FOXP1: variants seen among roughly 807,000 people sequenced by gnomAD.
FOXP1 encodes forkhead box protein P1.
In FOXP1, 15 loss-of-function variants were observed where a neutral mutation model predicts 98.2. The ratio of observed to expected loss-of-function variants is 0.15; its 90% CI spans 0.10 to 0.24. The LOEUF is 0.24. Ranked by LOEUF, FOXP1 falls within the 10% of genes least tolerant of loss-of-function variation. FOXP1 has a pLI of 1.00. For synonymous variants in FOXP1, 371 were observed against 314.5 expected, an observed-to-expected ratio of 1.18 and a Z score of -1.90; for missense variants, 633 against 848.5, an observed-to-expected ratio of 0.75 and a Z score of 3.15.
chr3:71,561,173 C>T (rs902707782), intron 2 of FOXP1, among the ~76,000 whole-genome samples: 9 of 152,062 alleles, frequency 5.9e-5, no homozygotes, highest in African/African-American at 1.9e-4. Flanking sequence ...TCTGGTGCCT[C>T]AGCCTCCTGA....
At chr3:71,022,946 T>C (rs576032619) in intron 11 of FOXP1, among the ~76,000 whole-genome samples, 2 of 152,198 alleles carry the variant, frequency 1.3e-5, no homozygotes, top group African/African-American at 2.4e-5. Context: ...GGTGTCTTCA[T>C]CATGGCTGTG....
At chr3:71,461,955 G>A (rs1395578192) in intron 3 of FOXP1, among the ~76,000 whole-genome samples, 1 of 152,114 alleles carries the variant, frequency 6.6e-6, no homozygotes, top group Non-Finnish European at 1.5e-5. Flanking sequence ...ACCCTCCCCA[G>A]AAGAACTGAC....
chr3:70,966,333 G>C, intron 19 of FOXP1: 8 of 467,028 alleles, frequency 1.7e-5, no homozygotes, highest in South Asian at 1.7e-4. Context: ...ACATGGTTTA[G>C]ACGGGCTTTC....
chr3:71,279,763 T>C (rs2071312130), intron 5 of FOXP1, among the ~76,000 whole-genome samples: 1 of 152,080 alleles, frequency 6.6e-6, no homozygotes, highest in African/African-American at 2.4e-5. Context: ...GTTTAAAAAG[T>C]AGGAAAAATG....
At chr3:71,175,650 G>A (rs935973194) in intron 6 of FOXP1, among the ~76,000 whole-genome samples, 5 of 152,100 alleles carry the variant, frequency 3.3e-5, no homozygotes, top group African/African-American at 7.2e-5. Context: ...AAGGACTCAC[G>A]GACTCCGGGT....
At chr3:71,512,519 T>A (rs1449780953) in intron 2 of FOXP1, among the ~76,000 whole-genome samples, 1 of 152,124 alleles carries the variant, frequency 6.6e-6, no homozygotes, top group African/African-American at 2.4e-5. Flanking sequence ...TTTTCCCCCA[T>A]CACAACACAC....
intron 4 of FOXP1, among the ~76,000 whole-genome samples, chr3:71,327,809 G>A (rs1257918041): frequency 1.3e-5 from 2 of 152,110 alleles, no homozygotes; most frequent in African/African-American, 2.4e-5. Flanking sequence ...CAATCTCAAA[G>A]TATCTCTAAT....
In FOXP1 at chr3:70,958,208, A is replaced by AT; in HGVS notation, c.*1038_*1039insA. ...TTAATGGTTGCTGCAAAAAAAAAAA[A>AT]AGAAAAGAAAAGAAAAAAAGAAAAT... On this transcript the variant is annotated 3_prime_UTR_variant, in exon 21 of 21. Transcript: ENST00000649528. 2.2e-6 allele frequency: 1 copy of AT among 446,292 alleles called. No homozygotes were observed. Among genetic ancestry groups the AT allele is most frequent in the East Asian group, 4.3e-5 (1 of 23,254 alleles). The allele number at this position is 446,292 out of a possible 1,614,324, so 27.6% of individuals were successfully genotyped here.
intron 5 of FOXP1, among the ~76,000 whole-genome samples, chr3:71,241,460 C>T (rs1227461351): frequency 3.9e-5 from 6 of 152,226 alleles, no homozygotes; most frequent in East Asian, 1.9e-4. Context: ...AAGGACACTC[C>T]GGTCTCCCCT....
chr3:71,307,375 G>C, intron 4 of FOXP1, among the ~76,000 whole-genome samples: 1 of 152,134 alleles, frequency 6.6e-6, no homozygotes, highest in East Asian at 1.9e-4. Flanking sequence ...TCACTGAAAA[G>C]TTTTAAAATA....
intron 4 of FOXP1, among the ~76,000 whole-genome samples, chr3:71,335,786 C>A (rs998793631): frequency 6.6e-6 from 1 of 152,000 alleles, no homozygotes; most frequent in African/African-American, 2.4e-5. Context: ...AGGTGGATCA[C>A]CTGAGTTCAG....
In FOXP1 at chr3:71,008,692, G is replaced by A. The variant is rs532497640; in HGVS notation, c.974+6857C>T. Among the ~76,000 whole-genome samples the A allele has an allele frequency of 7.9e-5, 12 of 152,240 alleles. No individual in the cohort carries two copies. In the South Asian group the frequency reaches 2.3e-3, roughly 29 times the overall value. On this transcript the variant is annotated intron_variant, in intron 12 of 20. Transcript: ENST00000649528. ...ATTCTGATAAAGCGTCCCTCTGTTG[G>A]CGGTGAGGGAAAGACAACAGGATGG...
intron 2 of FOXP1, among the ~76,000 whole-genome samples, chr3:71,539,880 T>C (rs562408652): frequency 2.0e-5 from 3 of 152,316 alleles, no homozygotes; most frequent in East Asian, 3.9e-4. Flanking sequence ...AGATACTATA[T>C]GTCAAGATTC....
intron 2 of FOXP1, among the ~76,000 whole-genome samples, chr3:71,530,370 G>A (rs1181012243): frequency 1.3e-5 from 2 of 152,104 alleles, no homozygotes; most frequent in Non-Finnish European, 2.9e-5. Flanking sequence ...CCCTCGACAG[G>A]TGCAGCCCCT....
In FOXP1 at chr3:71,211,449, T is replaced by TC. The variant is rs1307027593; in HGVS notation, c.-11-13058dup. 5.3e-5 allele frequency among the ~76,000 whole-genome samples: 8 copies of TC among 151,980 alleles called. No individual in the cohort carries two copies. The East Asian group carries it at 1.5e-3, about 29-fold the overall frequency. On this transcript the variant is annotated intron_variant, in intron 5 of 20. Transcript: ENST00000649528. Reference sequence around the variant, plus strand: ...TCCAACTCCTGACCTCAAGTGATCTTCCCCCCTTGGCCTCCTAAAGTGCTG... The same window carrying TC: ...TCCAACTCCTGACCTCAAGTGATCTTCCCCCCCTTGGCCTCCTAAAGTGCTG...
In FOXP1 at chr3:71,561,205, C is replaced by T. The variant is rs1259133411; in HGVS notation, c.-298+20344G>A. Among the ~76,000 whole-genome samples, 10 of 152,050 alleles carry T rather than the reference C, an allele frequency of 6.6e-5. No individual in the cohort carries two copies. In the Middle Eastern group the frequency reaches 0.014, roughly 207 times the overall value. On this transcript the variant is annotated intron_variant, in intron 2 of 20. Coordinates refer to ENST00000649528, the MANE Select transcript of FOXP1 (RefSeq NM_001349338.3). ...CTGAGTAGCTGGGATTACAGGCATG[C>T]ACCACCACGCCCGGCTCATTTTGTA... is the stretch of plus-strand genomic sequence containing the variant.
chr3:71,287,055 G>C (rs933253978), intron 5 of FOXP1, among the ~76,000 whole-genome samples: 1 of 152,148 alleles, frequency 6.6e-6, no homozygotes, highest in African/African-American at 2.4e-5. Context: ...TTAAAAATAA[G>C]ATGTAGATAT....
At chr3:71,473,543 C>T (rs1401706031) in intron 3 of FOXP1, among the ~76,000 whole-genome samples, 1 of 152,094 alleles carries the variant, frequency 6.6e-6, no homozygotes, top group Non-Finnish European at 1.5e-5. Flanking sequence ...GGAAAAACCA[C>T]CTATAACCCA....
intron 2 of FOXP1, among the ~76,000 whole-genome samples, chr3:71,506,484 C>T (rs573850707): frequency 6.6e-6 from 1 of 152,292 alleles, no homozygotes; most frequent in South Asian, 2.1e-4. Context: ...GCCAAATCCC[C>T]AGGTTTTCTT....
Sources: gnomAD v4.1 joint callset for allele counts (sites outside exome capture counted in the v4.1 genomes callset) on GRCh38, gnomAD v4.1.1 for gene constraint, MANE v1.5 for transcripts, NCBI Gene and HGNC (gene_info 2026-07-23, HGNC 2026-07-21) for gene names.